The following BACH2 variants were observed in gnomAD, a reference collection of about 807,000 sequenced individuals.
The protein encoded by BACH2 is BACH transcriptional regulator 2, also known as transcription regulator protein BACH2.
BACH2 carries 5 observed loss-of-function variants against 61.8 expected under a neutral mutation model. The ratio of observed to expected loss-of-function variants is 0.08; its 90% CI spans 0.04 to 0.17. The LOEUF is 0.17. Among genes scored for constraint, BACH2 ranks in the 10% least tolerant of loss-of-function variants. BACH2 has a pLI of 1.00. For missense variants in BACH2, 824 were observed against 1,091.1 expected, an observed-to-expected ratio of 0.76 and a Z score of 3.45; for synonymous variants, 446 against 440.1, an observed-to-expected ratio of 1.01 and a Z score of -0.17.
rs538669097 is a variant in BACH2, at chr6:90,029,030, C to T, written c.-12-20174G>A. 1.1e-3 allele frequency among the ~76,000 whole-genome samples: 163 copies of T among 152,316 alleles called. 1 individual carries two copies. Among genetic ancestry groups the T allele is most frequent in the Non-Finnish European group, 1.9e-3 (129 of 68,020 alleles). ...CAACCATGCCAATTTTCCCCATTCA[C>T]GTTTCATTTCCAGTTTGACAATGGC... On this transcript the variant is annotated intron_variant, in intron 5 of 8. Coordinates refer to ENST00000257749, the MANE Select transcript of BACH2 (RefSeq NM_021813.4).
At position 90,265,655 on chromosome 6, in the gene BACH2, T is replaced by C. The variant is rs114126929; in HGVS notation, c.-353+6194A>G. ...TTTAGACGGCTTGTAATCAATTGGA[T>C]GGCATTTTCCCAATGAGAAATCCTA... On this transcript the variant is annotated intron_variant, in intron 2 of 8. Coordinates refer to ENST00000257749, the MANE Select transcript of BACH2 (RefSeq NM_021813.4). Among the ~76,000 whole-genome samples the C allele has an allele frequency of 8.3e-3, 1,267 of 152,318 alleles. 14 individuals are homozygous for C. The highest frequency in any genetic ancestry group is 0.028 in the African/African-American group (1,172 of 41,568).
At chr6:90,279,915 T>C (rs1357104428) in intron 1 of BACH2, among the ~76,000 whole-genome samples, 1 of 152,184 alleles carries the variant, frequency 6.6e-6, no homozygotes, top group East Asian at 1.9e-4. Flanking sequence ...TTGAACTTCA[T>C]CAGTTAAAAG....
chr6:90,002,031 C>T (rs550052118), intron 6 of BACH2, among the ~76,000 whole-genome samples: 2 of 152,324 alleles, frequency 1.3e-5, no homozygotes, highest in East Asian at 3.9e-4. Flanking sequence ...AAGTGCTCAA[C>T]GAAATCACAA....
chr6:90,204,898 A>C (rs1248008476), intron 4 of BACH2, among the ~76,000 whole-genome samples: 1 of 152,240 alleles, frequency 6.6e-6, no homozygotes, highest in Non-Finnish European at 1.5e-5. Flanking sequence ...TTGAAGCGGG[A>C]AAACTCAGCA....
chr6:90,179,045 G>C (rs962738631), intron 4 of BACH2, among the ~76,000 whole-genome samples: 2 of 152,098 alleles, frequency 1.3e-5, no homozygotes, highest in Non-Finnish European at 2.9e-5. Context: ...TACAGATGAG[G>C]AAACTGAGCA....
At chr6:89,996,653 G>A (rs960467973) in intron 6 of BACH2, among the ~76,000 whole-genome samples, 4 of 152,130 alleles carry the variant, frequency 2.6e-5, no homozygotes, top group Non-Finnish European at 4.4e-5. Flanking sequence ...CCCTAGTGAA[G>A]TCCTGTCCAT....
rs557235833 is a variant in BACH2 at position 90,028,930 on chromosome 6, T to C, written c.-12-20074A>G. 2.0e-5 allele frequency among the ~76,000 whole-genome samples: 3 copies of C among 152,304 alleles called. 1 individual carries two copies. Among genetic ancestry groups the C allele is most frequent in the African/African-American group, 7.2e-5 (3 of 41,528 alleles). On this transcript the variant is annotated intron_variant, in intron 5 of 8. Coordinates refer to ENST00000257749, the MANE Select transcript of BACH2 (RefSeq NM_021813.4). ...CATAGAACTGTGAGGATTAAAATATTTTACGTGTTTGTTTGTTCATTAATT... is the reference window on the plus strand; with the variant it reads ...CATAGAACTGTGAGGATTAAAATATCTTACGTGTTTGTTTGTTCATTAATT...
intron 5 of BACH2, among the ~76,000 whole-genome samples, chr6:90,081,000 C>T (rs546249168): frequency 2.8e-4 from 43 of 152,164 alleles, no homozygotes; most frequent in Admixed American, 5.2e-4. Context: ...ACAACCACAC[C>T]GCCCCCAAAT....
chr6:90,255,278 C>T lies in BACH2; in HGVS notation c.-352-2688G>A, dbSNP rs144020699. ...ACAATAAGCAATATTTATTCATTTTCACTCAACAATTGTTTACTAAAAATG... is the reference window on the plus strand; with the variant it reads ...ACAATAAGCAATATTTATTCATTTTTACTCAACAATTGTTTACTAAAAATG... On this transcript the variant is annotated intron_variant, in intron 2 of 8. Coordinates refer to ENST00000257749, the MANE Select transcript of BACH2 (RefSeq NM_021813.4). Among the ~76,000 whole-genome samples, 607 of 152,328 alleles carry T rather than the reference C, an allele frequency of 4.0e-3. 4 individuals are homozygous for T. Among genetic ancestry groups the T allele is most frequent in the African/African-American group, 0.013 (552 of 41,580 alleles).
intron 4 of BACH2, among the ~76,000 whole-genome samples, chr6:90,156,306 C>A (rs1436918466): frequency 2.0e-5 from 3 of 152,242 alleles, no homozygotes; most frequent in Non-Finnish European, 4.4e-5. Context: ...ACTTTCATAA[C>A]AACCCCTGTA....
chr6:90,227,581 T>C (rs747440815), intron 3 of BACH2, among the ~76,000 whole-genome samples: 1 of 152,224 alleles, frequency 6.6e-6, no homozygotes, highest in Non-Finnish European at 1.5e-5. Context: ...CCCTTTTTCT[T>C]TTCTTGGAGA....
intron 5 of BACH2, among the ~76,000 whole-genome samples, chr6:90,022,208 C>A (rs1187741290): frequency 1.3e-5 from 2 of 151,988 alleles, no homozygotes; most frequent in African/African-American, 4.8e-5. Flanking sequence ...TTCAAATAGG[C>A]CAAAATAAAA....
intron 4 of BACH2, among the ~76,000 whole-genome samples, chr6:90,109,433 C>T (rs1418812176): frequency 6.6e-6 from 1 of 152,094 alleles, no homozygotes; most frequent in Non-Finnish European, 1.5e-5. Context: ...TAAATGCTGG[C>T]GTTATCTTGG....
Position 89,930,646 on chromosome 6 carries a change from C to T in BACH2, c.*1762G>A, listed in dbSNP as rs2128351796. 6.5e-6 allele frequency: 1 copy of T among 152,880 alleles called. No individual in the cohort carries two copies. Among genetic ancestry groups the T allele is most frequent in the South Asian group, 2.1e-4 (1 of 4,834 alleles). The allele number at this position is 152,880 out of a possible 1,614,324, so 9.5% of individuals were successfully genotyped here. ...TAAACGTGGCTGGGGCCAACACGGC[C>T]CCAGAGCCAAGGGAAGCTGCTCTCT... On this transcript the variant is annotated 3_prime_UTR_variant, in exon 9 of 9. Coordinates refer to ENST00000257749, the MANE Select transcript of BACH2 (RefSeq NM_021813.4).
chr6:89,939,656 C>CTTTTTT (rs71298713), intron 7 of BACH2, among the ~76,000 whole-genome samples: 1 of 82,628 alleles, frequency 1.2e-5, no homozygotes, highest in African/African-American at 4.8e-5. Flanking sequence ...GCTTATATTT[C>CTTTTTT]TTTTTTTTTT....
chr6:90,224,891 A>C (rs1769859675), intron 3 of BACH2, among the ~76,000 whole-genome samples: 1 of 152,226 alleles, frequency 6.6e-6, no homozygotes, highest in African/African-American at 2.4e-5. Flanking sequence ...AGTGAAGCTG[A>C]GAAACAAAAC....
At chr6:89,935,121 A>G (rs1772940423) in intron 8 of BACH2, among the ~76,000 whole-genome samples, 1 of 151,990 alleles carries the variant, frequency 6.6e-6, no homozygotes, top group Non-Finnish European at 1.5e-5. Flanking sequence ...GTGGGGAGTG[A>G]GTGCAGGGCC....
chr6:90,054,815 C>T (rs548735884), intron 5 of BACH2, among the ~76,000 whole-genome samples: 115 of 152,286 alleles, frequency 7.6e-4, no homozygotes, highest in Middle Eastern at 3.4e-3. Flanking sequence ...TGTGGTTCAC[C>T]AATATCTGCT....
intron 4 of BACH2, among the ~76,000 whole-genome samples, chr6:90,184,933 A>G (rs1425267943): frequency 6.6e-6 from 1 of 152,214 alleles, no homozygotes; most frequent in East Asian, 1.9e-4. Flanking sequence ...AGAGGATAGT[A>G]TGTTAGCTCC....
Sources: allele counts gnomAD v4.1 joint callset (sites outside exome capture counted in the v4.1 genomes callset), GRCh38; gene constraint gnomAD v4.1.1; transcripts MANE v1.5; gene names NCBI Gene and HGNC (gene_info 2026-07-23, HGNC 2026-07-21).